NBEAL1: variants seen among roughly 807,000 people sequenced by gnomAD.
The protein encoded by NBEAL1 is neurobeachin like 1, also known as neurobeachin-like protein 1.
Under a neutral mutation model 351.3 loss-of-function variants are expected in NBEAL1, and 273 were observed. The observed-to-expected ratio is 0.78, with a 90% CI of 0.70 to 0.86. The LOEUF is 0.86. NBEAL1 is among the 40% of genes least tolerant of loss of function. The pLI, the probability that NBEAL1 is intolerant of heterozygous loss-of-function variation, is 0.00. For missense variants in NBEAL1, 2,961 were observed against 3,201.3 expected, an observed-to-expected ratio of 0.92 and a Z score of 1.81; for synonymous variants, 1,050 against 1,086.4, an observed-to-expected ratio of 0.97 and a Z score of 0.66.
intron 7 of NBEAL1, among the ~76,000 whole-genome samples, chr2:203,077,079 A>G (rs2061787921): frequency 6.6e-6 from 1 of 152,022 alleles, no homozygotes; most frequent in African/African-American, 2.4e-5. Context: ...TATTTTTTAG[A>G]GGCTATACAT....
chr2:203,108,151 A>G lies in NBEAL1; in HGVS notation c.1912A>G (p.Ile638Val), dbSNP rs910811850. 9 of 1,551,366 alleles carry G rather than the reference A, an allele frequency of 5.8e-6. No individual in the cohort carries two copies. In the Admixed American group the frequency reaches 1.4e-4, roughly 24 times the overall value. The part of the protein sequence containing the change: ...CLDQDQLTLG[I>V]ANKGGKRKQL... Reference sequence around the variant, plus strand: ...AGACCAGGATCAGTTGACTCTTGGCATTGCTAACAAAGGAGGGAAAAGGAA... The same window carrying G: ...AGACCAGGATCAGTTGACTCTTGGCGTTGCTAACAAAGGAGGGAAAAGGAA... Residue 638 changes from isoleucine (I) to valine (V), a missense_variant, in exon 14 of 56, where the codon ATT (isoleucine) becomes GTT (valine). Physicochemically the swap from Ile to Val is conservative, Grantham distance 29. Transcript: ENST00000683969.
At chr2:203,191,554 T>A (rs962190668) in intron 46 of NBEAL1, among the ~76,000 whole-genome samples, 5 of 152,128 alleles carry the variant, frequency 3.3e-5, no homozygotes. Context: ...AAATATATCA[T>A]TTATTAACTA....
At chr2:203,073,376 T>C (rs1039343546) in intron 7 of NBEAL1, among the ~76,000 whole-genome samples, 4 of 152,374 alleles carry the variant, frequency 2.6e-5, no homozygotes, top group Non-Finnish European at 5.9e-5. Flanking sequence ...TATTTCTTCA[T>C]GTATCCTTCT....
At chr2:203,195,360 CTT>C (rs2065210557) in intron 47 of NBEAL1, among the ~76,000 whole-genome samples, 1 of 152,160 alleles carries the variant, frequency 6.6e-6, no homozygotes, top group Non-Finnish European at 1.5e-5. Context: ...ATCTGTCACT[CTT>C]TTCCTAAATC....
chr2:203,173,694 T>C (rs1048922243), intron 41 of NBEAL1, among the ~76,000 whole-genome samples: 4 of 152,074 alleles, frequency 2.6e-5, no homozygotes, highest in Non-Finnish European at 5.9e-5. Context: ...CAAAAGAAGA[T>C]TTTATAATTC....
At chr2:203,033,031 C>G (rs531808280) in intron 2 of NBEAL1, among the ~76,000 whole-genome samples, 12 of 151,640 alleles carry the variant, frequency 7.9e-5, no homozygotes, top group African/African-American at 2.7e-4. Flanking sequence ...GACGGAGTCT[C>G]GCTCTGTCGC....
At chr2:203,107,317 ATTAAG>A (rs2062460277) in intron 12 of NBEAL1, 98 bp from the exon 13 acceptor site, 1 of 540,068 alleles carries the variant, frequency 1.9e-6, no homozygotes, top group East Asian at 3.0e-5. Context: ...TTTATTTAAT[ATTAAG>A]TTAATTAGCA....
intron 55 of NBEAL1, among the ~76,000 whole-genome samples, chr2:203,216,934 G>T (rs950292887): frequency 2.0e-5 from 3 of 152,118 alleles, no homozygotes; most frequent in African/African-American, 7.2e-5. Flanking sequence ...CTCCCAAGTG[G>T]CTGGGATTAC....
At chr2:203,190,198 ACACACACACAC>A in intron 45 of NBEAL1, 83 bp from the exon 46 acceptor site, 1 of 442,004 alleles carries the variant, frequency 2.3e-6, no homozygotes, top group African/African-American at 2.7e-5. Flanking sequence ...ACACACACAC[ACACACACACAC>A]CAATGAGCCT....
chr2:203,152,483 A>T (rs1310215649), intron 35 of NBEAL1, among the ~76,000 whole-genome samples: 1 of 147,872 alleles, frequency 6.8e-6, no homozygotes, highest in Non-Finnish European at 1.5e-5. Context: ...CCAGCTACTC[A>T]GGAGGCTGAG....
chr2:203,039,610 T>A (rs1376673917), intron 2 of NBEAL1, among the ~76,000 whole-genome samples: 3 of 152,160 alleles, frequency 2.0e-5, no homozygotes, highest in Admixed American at 1.3e-4. Flanking sequence ...GCCAGGCTCG[T>A]CTCAAACCCC....
chr2:203,028,268 C>A (rs115256975), intron 2 of NBEAL1, among the ~76,000 whole-genome samples: 2 of 151,826 alleles, frequency 1.3e-5, no homozygotes, highest in South Asian at 4.2e-4. Flanking sequence ...CCTTATGCCT[C>A]GGCCTCCCAA....
chr2:203,222,878 T>C lies in NBEAL1; in HGVS notation c.*5524T>C, dbSNP rs1226355162. Reference sequence around the variant, plus strand: ...ACAGCCTCTGTATGGAAATAATCTTTAATTTTTTATAGGTATAACAGAGAA... The same window carrying C: ...ACAGCCTCTGTATGGAAATAATCTTCAATTTTTTATAGGTATAACAGAGAA... On this transcript the variant is annotated 3_prime_UTR_variant, in exon 56 of 56. Coordinates refer to ENST00000683969, the MANE Select transcript of NBEAL1 (RefSeq NM_001378026.1). 1.3e-5 allele frequency among the ~76,000 whole-genome samples: 2 copies of C among 152,208 alleles called. No individual in the cohort carries two copies. Among genetic ancestry groups the C allele is most frequent in the Non-Finnish European group, 2.9e-5 (2 of 68,020 alleles).
At chr2:203,202,366 C>A (rs2065424442) in intron 50 of NBEAL1, among the ~76,000 whole-genome samples, 1 of 152,138 alleles carries the variant, frequency 6.6e-6, no homozygotes, top group African/African-American at 2.4e-5. Context: ...GATGAGAAAG[C>A]AAAGTAGCAT....
rs1211243687 is a variant in NBEAL1 at position 203,107,774 on chromosome 2, C to T, written c.1535C>T (p.Thr512Ile). Residue 512 changes from threonine to isoleucine, a missense_variant, in exon 14 of 56, where the codon ACT (threonine) becomes ATT (isoleucine). Physicochemically the swap from Thr to Ile is moderately conservative, Grantham distance 89. Coordinates refer to ENST00000683969, the MANE Select transcript of NBEAL1 (RefSeq NM_001378026.1). ...ICCINRQSRT[T>I]CVNANMGIRI... ...TGTATTAATAGACAGAGTCGAACTA[C>T]TTGTGTCAATGCAAACATGGGGATT... The T allele has an allele frequency of 7.1e-6, 11 of 1,554,412 alleles. No homozygotes were observed. The highest frequency in any genetic ancestry group is 8.7e-6 in the Non-Finnish European group (10 of 1,147,728).
At chr2:203,153,597 C>G (rs1375020857) in intron 35 of NBEAL1, among the ~76,000 whole-genome samples, 1 of 152,082 alleles carries the variant, frequency 6.6e-6, no homozygotes, top group Non-Finnish European at 1.5e-5. Flanking sequence ...AATAATGGCC[C>G]TGTCCATGAT....
At chr2:203,190,667 A>C in intron 46 of NBEAL1, 2 of 325,648 alleles carry the variant, frequency 6.1e-6, no homozygotes, top group Non-Finnish European at 8.6e-6. Flanking sequence ...TCCAGAGCCC[A>C]AACCCAGTCT....
chr2:203,156,154 A>T (rs2063792820), intron 35 of NBEAL1, among the ~76,000 whole-genome samples: 1 of 152,182 alleles, frequency 6.6e-6, no homozygotes, highest in Non-Finnish European at 1.5e-5. Context: ...TAGTTGCTGA[A>T]ATTAAAATCC....
chr2:203,145,975 A>G (rs1406917888), intron 33 of NBEAL1, among the ~76,000 whole-genome samples: 1 of 151,792 alleles, frequency 6.6e-6, no homozygotes, highest in African/African-American at 2.4e-5. Flanking sequence ...AATAAAACAG[A>G]TAAACTTCTA....
Sources: gnomAD v4.1 joint callset for allele counts (sites outside exome capture counted in the v4.1 genomes callset) on GRCh38, gnomAD v4.1.1 for gene constraint, MANE v1.5 for transcripts, NCBI Gene and HGNC (gene_info 2026-07-23, HGNC 2026-07-21) for gene names.